FDFT1: variants seen among roughly 807,000 people sequenced by gnomAD.
FDFT1 encodes the protein squalene synthase.
FDFT1 carries 68 observed loss-of-function variants against 46.8 expected under a neutral mutation model. The ratio of observed to expected loss-of-function variants is 1.45; its 90% CI spans 1.19 to 1.78. FDFT1 has a LOEUF of 1.78. Among genes scored for constraint, FDFT1 ranks in the 40% most tolerant of loss-of-function variants. The pLI is 0.00. For missense variants in FDFT1, 928 were observed against 524.4 expected (o/e 1.77, Z -7.52); for synonymous variants, 351 against 185.1 (o/e 1.90, Z -7.28).
intron 3 of FDFT1, among the ~76,000 whole-genome samples, chr8:11,819,173 GC>G (rs1808873757): frequency 6.6e-6 from 1 of 152,068 alleles, no homozygotes; most frequent in Non-Finnish European, 1.5e-5. Context: ...CTGAATATTG[GC>G]CCCCACTCTC....
rs113054717 is a variant in FDFT1, at chr8:11,826,291, G to A, written c.702+76G>A. 26,973 of 1,209,868 alleles carry A rather than the reference G, an allele frequency of 0.022. 445 individuals carry two copies. The highest frequency in any genetic ancestry group is 0.057 in the South Asian group (3,225 of 56,098). 74.9% of individuals were successfully genotyped at this position (1,209,868 alleles called of 1,614,324 possible). A position where few individuals can be genotyped will look rare whatever the true frequency, so the allele number is the denominator to read the frequency against. On this transcript the variant is annotated intron_variant, in intron 5 of 7. Coordinates refer to ENST00000220584, the MANE Select transcript of FDFT1 (RefSeq NM_004462.5). ...AAAATCCTTTAACTCTTGTGGTTGC[G>A]GGTGACAGAAAAACAAGTCAGGCCT... is the stretch of plus-strand genomic sequence containing the variant.
chr8:11,829,799 G>C (rs17153899), intron 5 of FDFT1, among the ~76,000 whole-genome samples: 2,004 of 152,160 alleles, frequency 0.013, 48 homozygotes, highest in African/African-American at 0.045. Context: ...TGAAAGATGA[G>C]TCTGCAGCTA....
intron 6 of FDFT1, 110 bp downstream of exon 6, chr8:11,830,530 T>C: frequency 5.2e-6 from 4 of 769,750 alleles, no homozygotes; most frequent in Admixed American, 5.0e-5. Flanking sequence ...AAAAAGACGA[T>C]GACTCCAGTT....
chr8:11,811,017 C>T (rs1309202542), intron 3 of FDFT1, among the ~76,000 whole-genome samples: 1 of 149,884 alleles, frequency 6.7e-6, no homozygotes, highest in African/African-American at 2.5e-5. Context: ...TGAGATCAGA[C>T]CTTAAGTACC....
rs879126818 is a variant in FDFT1, at chr8:11,803,011, G to C, written c.99+80G>C. ...CTCAGGGCCTGAGCGGCCGGGCCCG[G>C]ATCTGGGGCAAGGGGCGCGGCGAGC... On this transcript the variant is annotated intron_variant, in intron 1 of 7. Coordinates refer to ENST00000220584, the MANE Select transcript of FDFT1 (RefSeq NM_004462.5). 5 of 1,524,964 alleles carry C rather than the reference G, an allele frequency of 3.3e-6. No individual in the cohort carries two copies. In the South Asian group the frequency reaches 3.7e-5, roughly 11 times the overall value. 94.5% of individuals were successfully genotyped at this position (1,524,964 alleles called of 1,614,324 possible). A position where few individuals can be genotyped will look rare whatever the true frequency, so the allele number is the denominator to read the frequency against.
Position 11,822,049 on chromosome 8 carries a change from C to A in FDFT1, c.510+171C>A, listed in dbSNP as rs139471417. The stretch of plus-strand genomic sequence containing the variant: ...TAAACAGTTTATTCCAGAGTTAATT[C>A]CAAACCAGCAGCTATGTAGGATATC... On this transcript the variant is annotated intron_variant, in intron 4 of 7. Coordinates refer to ENST00000220584, the MANE Select transcript of FDFT1 (RefSeq NM_004462.5). Among the ~76,000 whole-genome samples the A allele has an allele frequency of 1.7e-4, 26 of 152,300 alleles. No individual in the cohort carries two copies. In the East Asian group the frequency reaches 4.4e-3, roughly 26 times the overall value.
At position 11,802,933 on chromosome 8, in the gene FDFT1, T is replaced by G. The variant is rs111841640; in HGVS notation, c.99+2T>G. 6.2e-7 allele frequency: 1 copy of G among 1,602,286 alleles called. No individual in the cohort carries two copies. The highest frequency in any genetic ancestry group is 8.5e-7 in the Non-Finnish European group (1 of 1,174,492). On this transcript the variant is annotated splice_donor_variant, in intron 1 of 7. Transcript: ENST00000220584. LOFTEE classifies it high-confidence loss of function. Reference sequence around the variant, plus strand: ...AAGGTGATGCCCAAGATGGACCAGGTGGGCCGAGCCTCCCTGCTTGCCCGG... The same window carrying G: ...AAGGTGATGCCCAAGATGGACCAGGGGGGCCGAGCCTCCCTGCTTGCCCGG...
At chr8:11,798,707 A>C (rs961318130), upstream of FDFT1, among the ~76,000 whole-genome samples, 1 of 152,238 alleles carries the variant, frequency 6.6e-6, no homozygotes, top group African/African-American at 2.4e-5. Context: ...ATCGTGTCCT[A>C]TACGCAGCTC....
At chr8:11,824,720 G>A (rs1383845143) in intron 4 of FDFT1, among the ~76,000 whole-genome samples, 2 of 152,180 alleles carry the variant, frequency 1.3e-5, no homozygotes, top group Admixed American at 6.5e-5. Flanking sequence ...AGGATTGAAT[G>A]TGCAGAGTTC....
At position 11,838,948 on chromosome 8, in the gene FDFT1, AG is replaced by A; in HGVS notation, c.*340del. On this transcript the variant is annotated 3_prime_UTR_variant, in exon 8 of 8. Coordinates refer to ENST00000220584, the MANE Select transcript of FDFT1 (RefSeq NM_004462.5). ...GATCCTGGCTAGAATGATAATTAAAAGTATTTAATTTGAAGCACCATTTGAA... is the reference window on the plus strand; with the variant it reads ...GATCCTGGCTAGAATGATAATTAAAATATTTAATTTGAAGCACCATTTGAA... 1 of 229,420 alleles carries A rather than the reference AG, an allele frequency of 4.4e-6. No homozygotes were observed. The highest frequency in any genetic ancestry group is 8.6e-6 in the Non-Finnish European group (1 of 115,734). 14.2% of individuals were successfully genotyped at this position (229,420 alleles called of 1,614,324 possible).
upstream of FDFT1, chr8:11,802,360 C>T (rs554200804): frequency 8.2e-4 from 366 of 445,220 alleles, 5 homozygotes; most frequent in South Asian, 5.6e-3. Flanking sequence ...CAGCCCCGCA[C>T]TGCTCTCCCG....
intron 4 of FDFT1, among the ~76,000 whole-genome samples, chr8:11,824,343 G>C (rs969693969): frequency 1.3e-5 from 2 of 152,230 alleles, no homozygotes; most frequent in African/African-American, 4.8e-5. Context: ...TGGCAATTAA[G>C]AGTTGCATTT....
intron 1 of FDFT1, among the ~76,000 whole-genome samples, chr8:11,804,251 T>C (rs1197871834): frequency 6.6e-6 from 1 of 152,236 alleles, no homozygotes; most frequent in Non-Finnish European, 1.5e-5. Context: ...CAGTCAGACC[T>C]CATTTGGGTC....
rs1241443979 is a variant in FDFT1, at chr8:11,838,888, T to C, written c.*279T>C. On this transcript the variant is annotated 3_prime_UTR_variant, in exon 8 of 8. Transcript: ENST00000220584. ...AGTGCCACGGTTTAGGTGAAGTCGC[T>C]GCATATGTGACTGTCATGAGATCCT... is the stretch of plus-strand genomic sequence containing the variant. The C allele has an allele frequency of 4.6e-6, 2 of 438,520 alleles. No individual in the cohort carries two copies. The highest frequency in any genetic ancestry group is 8.3e-6 in the Non-Finnish European group (2 of 241,312). 27.2% of individuals were successfully genotyped at this position (438,520 alleles called of 1,614,324 possible). A position where few individuals can be genotyped will look rare whatever the true frequency, so the allele number is the denominator to read the frequency against.
intron 7 of FDFT1, among the ~76,000 whole-genome samples, chr8:11,833,367 G>C (rs906776071): frequency 6.6e-6 from 1 of 152,162 alleles, no homozygotes; most frequent in East Asian, 1.9e-4. Context: ...AATTCTAAGG[G>C]GTTCAACTAC....
chr8:11,801,381 G>C (rs1306466380), upstream of FDFT1, among the ~76,000 whole-genome samples: 1 of 152,170 alleles, frequency 6.6e-6, no homozygotes, highest in Admixed American at 6.5e-5. Flanking sequence ...GTGCAATAGC[G>C]CGATCTCAGC....
At chr8:11,837,593 G>A (rs1376596235) in intron 7 of FDFT1, among the ~76,000 whole-genome samples, 1 of 152,174 alleles carries the variant, frequency 6.6e-6, no homozygotes, top group Non-Finnish European at 1.5e-5. Context: ...CTAGACAGGT[G>A]CAGTAGGTCT....
chr8:11,810,414 G>C (rs1287057892), intron 3 of FDFT1, among the ~76,000 whole-genome samples: 1 of 152,114 alleles, frequency 6.6e-6, no homozygotes, highest in East Asian at 1.9e-4. Context: ...TGGCAGCTAG[G>C]GCGAGCCTCT....
intron 7 of FDFT1, among the ~76,000 whole-genome samples, chr8:11,835,050 G>C (rs1358860090): frequency 2.0e-5 from 3 of 152,172 alleles, no homozygotes; most frequent in African/African-American, 7.2e-5. Flanking sequence ...CTTGAACTCG[G>C]GAGGTGGAGG....
Sources: allele counts gnomAD v4.1 joint callset (sites outside exome capture counted in the v4.1 genomes callset), GRCh38; gene constraint gnomAD v4.1.1; transcripts MANE v1.5; gene names NCBI Gene and HGNC (gene_info 2026-07-23, HGNC 2026-07-21).